Variants in ERLEC1 observed in about 807,000 individuals in gnomAD.
The protein encoded by ERLEC1 is endoplasmic reticulum lectin 1.
Under a neutral mutation model 68.0 loss-of-function variants are expected in ERLEC1, and 47 were observed. The observed-to-expected ratio is 0.69, with a 90% CI of 0.55 to 0.88. ERLEC1 has a LOEUF of 0.88. Among genes scored for constraint, ERLEC1 ranks in the 40% least tolerant of loss-of-function variants. ERLEC1 has a pLI of 0.00. For synonymous variants in ERLEC1, 225 were observed against 203.2 expected (o/e 1.11, Z -0.91); for missense variants, 567 against 583.8 (o/e 0.97, Z 0.30).
intron 13 of ERLEC1, among the ~76,000 whole-genome samples, chr2:53,815,261 C>T (rs1676818250): frequency 1.3e-5 from 2 of 152,182 alleles, no homozygotes; most frequent in African/African-American, 4.8e-5. Flanking sequence ...CCACCTCAGC[C>T]TCCCAAAGTG....
chr2:53,816,090 A>G (rs777522153), intron 13 of ERLEC1, among the ~76,000 whole-genome samples: 2 of 151,894 alleles, frequency 1.3e-5, no homozygotes, highest in African/African-American at 2.4e-5. Context: ...TTTGCCTCCC[A>G]AAGTGCAGGG....
intron 8 of ERLEC1, among the ~76,000 whole-genome samples, chr2:53,804,066 G>C (rs978119175): frequency 6.6e-6 from 1 of 152,210 alleles, no homozygotes; most frequent in Admixed American, 6.5e-5. Flanking sequence ...GGGCAGCGGA[G>C]CTTGCAGTTA....
At chr2:53,812,791 A>C (rs1313303527) in intron 10 of ERLEC1, among the ~76,000 whole-genome samples, 158 bp from the exon 11 acceptor site, 1 of 152,244 alleles carries the variant, frequency 6.6e-6, no homozygotes, top group East Asian at 1.9e-4. Flanking sequence ...TAATGTGCTT[A>C]AATTTCCACT....
At chr2:53,801,690 A>C in intron 7 of ERLEC1, 23 bp from the exon 8 acceptor site, 1 of 1,613,814 alleles carries the variant, frequency 6.2e-7, no homozygotes, top group Non-Finnish European at 8.5e-7. Context: ...GCATAGCTTT[A>C]ATGCTTTGTT....
rs776982141 is a variant in ERLEC1 at position 53,799,098 on chromosome 2, G to A, written c.525+17G>A. On this transcript the variant is annotated intron_variant, in intron 6 of 13. Transcript: ENST00000185150. ...TCAAATGAGGCAAGTGACAGATGTT[G>A]ATTTTTTTCCTCTTAACACTTATTG... 1.2e-5 allele frequency: 19 copies of A among 1,608,748 alleles called. No individual in the cohort carries two copies. In the South Asian group the frequency reaches 2.0e-4, roughly 17 times the overall value.
intron 13 of ERLEC1, among the ~76,000 whole-genome samples, chr2:53,815,847 C>T (rs148467082): frequency 6.6e-6 from 1 of 152,252 alleles, no homozygotes; most frequent in Non-Finnish European, 1.5e-5. Flanking sequence ...GAATATTCAT[C>T]ACCATAAGCA....
rs1675769630 is a variant in ERLEC1 at position 53,797,383 on chromosome 2, A to G, written c.349-132A>G. On this transcript the variant is annotated intron_variant, in intron 3 of 13. Transcript: ENST00000185150. ...CAGAAATTTCACATTTTTTTGAGGC[A>G]TAATTATAAGTGTCATTTAATGAAA... 5 of 612,532 alleles carry G rather than the reference A, an allele frequency of 8.2e-6. No homozygotes were observed. The South Asian group carries it at 1.2e-4, about 15-fold the overall frequency. 37.9% of individuals were successfully genotyped at this position (612,532 alleles called of 1,614,324 possible).
chr2:53,808,493 T>C, intron 9 of ERLEC1, 33 bp downstream of exon 9: 1 of 1,604,178 alleles, frequency 6.2e-7, no homozygotes, highest in South Asian at 1.1e-5. Flanking sequence ...AAATATTTAT[T>C]TTACAACTTT....
chr2:53,812,610 G>C (rs77197828), intron 10 of ERLEC1, among the ~76,000 whole-genome samples: 1 of 152,040 alleles, frequency 6.6e-6, no homozygotes, highest in Non-Finnish European at 1.5e-5. Context: ...GTGAGTTGCT[G>C]GCAGTGAAAA....
In ERLEC1 at chr2:53,818,043, A is replaced by ATAAT; in HGVS notation, c.*74_*75insTAAT. ...TTTCTGTCCCACTGTGTCTCATTAT[A>ATAAT]GAGTTCTCAGCCATTGGACCTCTTC... On this transcript the variant is annotated 3_prime_UTR_variant, in exon 14 of 14. Transcript: ENST00000185150. The ATAAT allele has an allele frequency of 1.0e-6, 1 of 987,558 alleles. No homozygotes were observed. 61.2% of individuals were successfully genotyped at this position (987,558 alleles called of 1,614,324 possible). A position where few individuals can be genotyped will look rare whatever the true frequency, so the allele number is the denominator to read the frequency against.
chr2:53,796,096 T>C, intron 3 of ERLEC1, 83 bp downstream of exon 3: 1 of 997,290 alleles, frequency 1.0e-6, no homozygotes, highest in Non-Finnish European at 1.5e-6. Context: ...TTCTTCTTTA[T>C]TATGTTGTGT....
At chr2:53,799,128 T>G (rs1175039530) in intron 6 of ERLEC1, 47 bp downstream of exon 6, 1 of 1,527,502 alleles carries the variant, frequency 6.5e-7, no homozygotes, top group Non-Finnish European at 9.0e-7. Flanking sequence ...TTATTGTTAG[T>G]GAGGTATGAA....
intron 6 of ERLEC1, 68 bp downstream of exon 6, chr2:53,799,149 C>T: frequency 2.3e-6 from 3 of 1,308,174 alleles, no homozygotes; most frequent in Non-Finnish European, 3.3e-6. Flanking sequence ...TTTATATAAC[C>T]CAAGTGACAG....
rs1353974585 is a variant in ERLEC1 at position 53,787,258 on chromosome 2, G to A, written c.48G>A (p.Pro16=). The A allele has an allele frequency of 4.4e-6, 7 of 1,607,476 alleles. No homozygotes were observed. The East Asian group carries it at 1.6e-4, about 36-fold the overall frequency. ...GGVRSLVPGG[P]VLLVLCGLLE... is the part of the protein sequence containing the mutation. ...TACGGAGTCTGGTCCCGGGCGGGCC[G>A]GTGTTACTGGTCCTCTGCGGCCTCC... The change falls in exon 1 of 14, where the codon CCG becomes CCA. Residue 16 remains proline (P), a synonymous_variant. Transcript: ENST00000185150.
intron 4 of ERLEC1, 53 bp from the exon 5 acceptor site, chr2:53,797,678 TA>T: frequency 6.4e-7 from 1 of 1,574,198 alleles, no homozygotes; most frequent in South Asian, 1.1e-5. Flanking sequence ...GTTGTATCCT[TA>T]AAAATGTCTT....
chr2:53,808,166 A>T, intron 8 of ERLEC1, 133 bp from the exon 9 acceptor site: 1 of 877,766 alleles, frequency 1.1e-6, no homozygotes, highest in Non-Finnish European at 1.7e-6. Flanking sequence ...CCATTATCTT[A>T]AAGTGTATTA....
At chr2:53,817,542 C>A (rs1050525543) in intron 13 of ERLEC1, among the ~76,000 whole-genome samples, 1 of 152,104 alleles carries the variant, frequency 6.6e-6, no homozygotes, top group Non-Finnish European at 1.5e-5. Flanking sequence ...AACATCTGTT[C>A]CATCTTTGGG....
intron 1 of ERLEC1, among the ~76,000 whole-genome samples, chr2:53,793,877 CT>C (rs1675546295): frequency 6.6e-6 from 1 of 152,088 alleles, no homozygotes; most frequent in Non-Finnish European, 1.5e-5. Context: ...AAAGCATGTC[CT>C]TTGCAACCAC....
chr2:53,808,765 A>G (rs1178079681), intron 9 of ERLEC1, among the ~76,000 whole-genome samples: 1 of 152,192 alleles, frequency 6.6e-6, no homozygotes, highest in East Asian at 1.9e-4. Context: ...GTTATGTAGC[A>G]ATCACATTTC....
Sources: gnomAD v4.1 joint callset for allele counts (sites outside exome capture counted in the v4.1 genomes callset) on GRCh38, gnomAD v4.1.1 for gene constraint, MANE v1.5 for transcripts, NCBI Gene and HGNC (gene_info 2026-07-23, HGNC 2026-07-21) for gene names.